Variants in SOCS2 observed in about 807,000 individuals in gnomAD.
SOCS2 encodes the protein suppressor of cytokine signaling 2, also known as CIS-2.
SOCS2 carries 10 observed loss-of-function variants against 18.6 expected under a neutral mutation model. The ratio of observed to expected loss-of-function variants is 0.54; its 90% CI spans 0.33 to 0.91. SOCS2 has a LOEUF of 0.91. Ranked by LOEUF, SOCS2 falls within the 40% of genes least tolerant of loss-of-function variation. The pLI, the probability that SOCS2 is intolerant of heterozygous loss-of-function variation, is 0.02. For synonymous variants in SOCS2, 104 were observed against 104.0 expected, an observed-to-expected ratio of 1.00 and a Z score of 0.00; for missense variants, 231 against 247.2, an observed-to-expected ratio of 0.93 and a Z score of 0.44.
At chr12:93,589,009 T>C in the SOCS2 span, among the ~76,000 whole-genome samples, 1 of 152,230 alleles carries the variant, frequency 6.6e-6, no homozygotes, top group Non-Finnish European at 1.5e-5. Context: ...GTTTTCTGGC[T>C]GGAGCAGAAT....
At chr12:93,581,642 G>A (rs759532742), downstream of SOCS2, among the ~76,000 whole-genome samples, 10 of 151,850 alleles carry the variant, frequency 6.6e-5, no homozygotes, top group South Asian at 2.1e-4. Flanking sequence ...TTCTAGCTTC[G>A]TTCATTTATC....
chr12:93,571,712 G>T, upstream of SOCS2: 1 of 290,254 alleles, frequency 3.4e-6, no homozygotes, highest in Non-Finnish European at 6.9e-6. Flanking sequence ...ACGGAACTCC[G>T]ACCGCCGCCT....
At chr12:93,597,535 C>T in the SOCS2 span, among the ~76,000 whole-genome samples, 1 of 152,186 alleles carries the variant, frequency 6.6e-6, no homozygotes, top group Non-Finnish European at 1.5e-5. Context: ...AGGCTGGTCT[C>T]AAACTCGTGA....
chr12:93,583,783 G>T (rs1324723266), downstream of SOCS2, among the ~76,000 whole-genome samples: 10 of 152,198 alleles, frequency 6.6e-5, no homozygotes, highest in Admixed American at 5.9e-4. Flanking sequence ...ATTTACTAAT[G>T]CCAGGTGTTG....
the SOCS2 span, among the ~76,000 whole-genome samples, chr12:93,622,242 C>T: frequency 7.9e-5 from 12 of 152,144 alleles, no homozygotes; most frequent in Admixed American, 6.5e-5. Flanking sequence ...TGGTAGTGTG[C>T]CCTGATTCTG....
At chr12:93,616,466 T>C in the SOCS2 span, among the ~76,000 whole-genome samples, 1 of 152,216 alleles carries the variant, frequency 6.6e-6, no homozygotes. Context: ...GGTTTCTGTT[T>C]ATTTCTTGCT....
chr12:93,578,357 A>C (rs955408153), downstream of SOCS2, among the ~76,000 whole-genome samples: 2 of 152,196 alleles, frequency 1.3e-5, no homozygotes, highest in African/African-American at 4.8e-5. Flanking sequence ...ATCTTCGTCA[A>C]GTAATCCAAA....
the SOCS2 span, among the ~76,000 whole-genome samples, chr12:93,591,106 A>C: frequency 2.0e-5 from 3 of 152,094 alleles, no homozygotes; most frequent in African/African-American, 4.8e-5. Context: ...AGGAGAGTAA[A>C]CATTTTCGAT....
chr12:93,599,397 A>G, the SOCS2 span, among the ~76,000 whole-genome samples: 5 of 152,128 alleles, frequency 3.3e-5, no homozygotes, highest in Admixed American at 2.0e-4. Context: ...CCTGGCCTCA[A>G]GTGATCCTCC....
At chr12:93,586,803 C>G (rs1187212896), downstream of SOCS2, among the ~76,000 whole-genome samples, 6 of 152,160 alleles carry the variant, frequency 3.9e-5, no homozygotes, top group Admixed American at 1.3e-4. Flanking sequence ...CATTCACTCA[C>G]TCATTCAATA....
chr12:93,608,717 C>T, the SOCS2 span, among the ~76,000 whole-genome samples: 1 of 151,898 alleles, frequency 6.6e-6, no homozygotes, highest in African/African-American at 2.4e-5. Flanking sequence ...ATTGCTATGC[C>T]TTCTACCTTC....
chr12:93,610,451 C>T, the SOCS2 span, among the ~76,000 whole-genome samples: 1 of 152,198 alleles, frequency 6.6e-6, no homozygotes, highest in Non-Finnish European at 1.5e-5. Flanking sequence ...TCTGACAAAG[C>T]TCCCAAGTGC....
chr12:93,602,309 T>C, the SOCS2 span, among the ~76,000 whole-genome samples: 2 of 152,204 alleles, frequency 1.3e-5, no homozygotes, highest in African/African-American at 4.8e-5. Context: ...TTGCTCAGGC[T>C]GTTCTCGAAC....
At chr12:93,590,399 G>A in the SOCS2 span, among the ~76,000 whole-genome samples, 1 of 152,090 alleles carries the variant, frequency 6.6e-6, no homozygotes, top group South Asian at 2.1e-4. Context: ...GGTAACCAGA[G>A]AGACTACTCT....
the SOCS2 span, among the ~76,000 whole-genome samples, chr12:93,596,426 T>C: frequency 6.6e-6 from 1 of 152,254 alleles, no homozygotes; most frequent in African/African-American, 2.4e-5. Flanking sequence ...TCTTAAGCTA[T>C]GCCATGCAGC....
At chr12:93,599,806 C>T in the SOCS2 span, among the ~76,000 whole-genome samples, 1 of 152,206 alleles carries the variant, frequency 6.6e-6, no homozygotes, top group South Asian at 2.1e-4. Context: ...TTGCCTTCTA[C>T]TGTAAGATGA....
the SOCS2 span, among the ~76,000 whole-genome samples, chr12:93,619,281 G>A: frequency 1.3e-5 from 2 of 152,010 alleles, no homozygotes; most frequent in Non-Finnish European, 2.9e-5. Flanking sequence ...TTATTTCCTG[G>A]CCAAGCCCAA....
chr12:93,595,183 C>T, the SOCS2 span, among the ~76,000 whole-genome samples: 1 of 152,096 alleles, frequency 6.6e-6, no homozygotes, highest in African/African-American at 2.4e-5. Context: ...AAAATATGCT[C>T]AGCTTTTTCT....
the SOCS2 span, among the ~76,000 whole-genome samples, chr12:93,604,505 T>C: frequency 6.6e-6 from 1 of 152,182 alleles, no homozygotes; most frequent in African/African-American, 2.4e-5. Flanking sequence ...CAGTTATGCC[T>C]GCCAAATATA....
Sources: allele counts gnomAD v4.1 joint callset (sites outside exome capture counted in the v4.1 genomes callset), GRCh38; gene constraint gnomAD v4.1.1; transcripts MANE v1.5; gene names NCBI Gene and HGNC (gene_info 2026-07-23, HGNC 2026-07-21).